FBXO21: variants seen among roughly 807,000 people sequenced by gnomAD.
The protein encoded by FBXO21 is F-box only protein 21.
Under a neutral mutation model 76.6 loss-of-function variants are expected in FBXO21, and 32 were observed. The observed-to-expected ratio is 0.42, with a 90% CI of 0.32 to 0.56. The LOEUF is 0.56. Among genes scored for constraint, FBXO21 ranks in the 20% least tolerant of loss-of-function variants. FBXO21 has a pLI of 0.16. For missense variants in FBXO21, 586 were observed against 797.3 expected (o/e 0.73, Z 3.19); for synonymous variants, 328 against 311.5 (o/e 1.05, Z -0.56).
chr12:117,177,207 A>C (rs1956184926), intron 4 of FBXO21, among the ~76,000 whole-genome samples: 1 of 152,244 alleles, frequency 6.6e-6, no homozygotes, highest in Non-Finnish European at 1.5e-5. Context: ...CTGATTTGGA[A>C]ATGATCATTA....
chr12:117,163,956 CA>C (rs1366694161), intron 9 of FBXO21, among the ~76,000 whole-genome samples: 1 of 151,022 alleles, frequency 6.6e-6, no homozygotes, highest in East Asian at 2.0e-4. Context: ...AAAAACAAAC[CA>C]AAAAAACCCC....
In FBXO21 at chr12:117,190,385, T is replaced by C. The variant is rs1024057061; in HGVS notation, c.72A>G (p.Val24=). 3 of 1,506,050 alleles carry C rather than the reference T, an allele frequency of 2.0e-6. No homozygotes were observed. Among genetic ancestry groups the C allele is most frequent in the Non-Finnish European group, 2.6e-6 (3 of 1,135,940 alleles). 93.3% of individuals were successfully genotyped at this position (1,506,050 alleles called of 1,614,324 possible). A position where few individuals can be genotyped will look rare whatever the true frequency, so the allele number is the denominator to read the frequency against. Residue 24 remains valine (V), a synonymous_variant, in exon 1 of 12, where the codon GTA becomes GTG. Coordinates refer to ENST00000622495, the MANE Select transcript of FBXO21 (RefSeq NM_015002.3). ...PALAEEAAPE[V]AGLSCLVNLP... is the part of the protein sequence containing the mutation. Reference sequence around the variant, plus strand: ...GGTTGACGAGGCAGCTGAGGCCCGCTACCTCCGGCGCGGCCTCCTCCGCCA... The same window carrying C: ...GGTTGACGAGGCAGCTGAGGCCCGCCACCTCCGGCGCGGCCTCCTCCGCCA...
At chr12:117,165,341 T>C in intron 9 of FBXO21, 144 bp downstream of exon 9, 1 of 839,356 alleles carries the variant, frequency 1.2e-6, no homozygotes, top group Non-Finnish European at 1.8e-6. Flanking sequence ...TAAAAAAAAA[T>C]CTACCAATGG....
intron 11 of FBXO21, among the ~76,000 whole-genome samples, chr12:117,147,931 G>A (rs1288405806): frequency 1.3e-5 from 2 of 152,210 alleles, no homozygotes; most frequent in Admixed American, 6.5e-5. Flanking sequence ...GAACGCAAAT[G>A]GGTCTATGAA....
chr12:117,148,277 A>G (rs1955801711), intron 11 of FBXO21, among the ~76,000 whole-genome samples: 1 of 152,256 alleles, frequency 6.6e-6, no homozygotes, highest in Admixed American at 6.5e-5. Context: ...AGTACCGCTG[A>G]GGAAGTCACA....
chr12:117,190,383 G>A lies in FBXO21; in HGVS notation c.74C>T (p.Ala25Val), dbSNP rs1256813784. 6.6e-7 allele frequency: 1 copy of A among 1,505,392 alleles called. No homozygotes were observed. 93.3% of individuals were successfully genotyped at this position (1,505,392 alleles called of 1,614,324 possible). The change falls in exon 1 of 12, where the codon GCG (alanine) becomes GTG (valine). Residue 25 changes from alanine (A) to valine (V), a missense_variant. Physicochemically the swap from Ala to Val is moderately conservative, Grantham distance 64 (BLOSUM62 0). Around this residue, in one of 6 missense-constraint regions of FBXO21, gnomAD observed 152 missense variants for 127.2 expected, o/e 1.19. Coordinates refer to ENST00000622495, the MANE Select transcript of FBXO21 (RefSeq NM_015002.3). ...ALAEEAAPEV[A>V]GLSCLVNLPG... ...CAGGTTGACGAGGCAGCTGAGGCCC[G>A]CTACCTCCGGCGCGGCCTCCTCCGC...
chr12:117,151,452 G>A (rs928724211), intron 11 of FBXO21, among the ~76,000 whole-genome samples: 1 of 152,164 alleles, frequency 6.6e-6, no homozygotes, highest in Non-Finnish European at 1.5e-5. Flanking sequence ...TCAACTCTCC[G>A]TGCAGAGCTA....
chr12:117,156,035 TCA>T, intron 10 of FBXO21, 87 bp from the exon 11 acceptor site: 1 of 1,246,524 alleles, frequency 8.0e-7, no homozygotes. Context: ...GCTCACATCC[TCA>T]GTTACCTGCT....
chr12:117,171,161 C>G (rs528441100), intron 7 of FBXO21, among the ~76,000 whole-genome samples: 42 of 151,950 alleles, frequency 2.8e-4, no homozygotes, highest in African/African-American at 1.0e-3. Context: ...CTCAGGCGTT[C>G]AAGACTAGCC....
chr12:117,178,318 C>T (rs947701564), intron 3 of FBXO21, among the ~76,000 whole-genome samples: 2 of 152,114 alleles, frequency 1.3e-5, no homozygotes, highest in African/African-American at 4.8e-5. Context: ...AATGTGCACA[C>T]TTCCCAATTA....
chr12:117,157,106 T>C (rs755202749), intron 10 of FBXO21, among the ~76,000 whole-genome samples: 1 of 150,314 alleles, frequency 6.7e-6, no homozygotes, highest in Admixed American at 6.7e-5. Context: ...TCGCTTGAAC[T>C]GGGAGGCAGA....
At chr12:117,150,729 G>GTGCT (rs1955827403) in intron 11 of FBXO21, among the ~76,000 whole-genome samples, 1 of 152,242 alleles carries the variant, frequency 6.6e-6, no homozygotes, top group East Asian at 1.9e-4. Flanking sequence ...AAGAGAATGT[G>GTGCT]TGCTTGAGAT....
chr12:117,170,579 T>C (rs907775899), intron 7 of FBXO21, among the ~76,000 whole-genome samples: 1 of 152,180 alleles, frequency 6.6e-6, no homozygotes, highest in African/African-American at 2.4e-5. Context: ...GAAAGGGCCA[T>C]AGCCCAGCAG....
chr12:117,162,111 T>A (rs547075818), intron 9 of FBXO21, among the ~76,000 whole-genome samples: 1 of 152,318 alleles, frequency 6.6e-6, no homozygotes, highest in South Asian at 2.1e-4. Flanking sequence ...GGGAAATTCC[T>A]GCAGGGCAGA....
At position 117,165,542 on chromosome 12, in the gene FBXO21, C is replaced by T; in HGVS notation, c.1269G>A (p.Val423=). The T allele has an allele frequency of 6.2e-7, 1 of 1,613,960 alleles. No homozygotes were observed. Among genetic ancestry groups the T allele is most frequent in the Non-Finnish European group, 8.5e-7 (1 of 1,179,882 alleles). The change falls in exon 9 of 12, where the codon GTG becomes GTA. Residue 423 remains valine, a synonymous_variant. Coordinates refer to ENST00000622495, the MANE Select transcript of FBXO21 (RefSeq NM_015002.3). ...GCCTGGCTTGGAGGAGGAGAAGCTG[C>T]ACCTGGTCCGGGTACATTGCCAGAT... ...DLYLAMYPDQ[V]QLLLLQARLY...
At chr12:117,162,458 T>C (rs77230099) in intron 9 of FBXO21, among the ~76,000 whole-genome samples, 1 of 152,178 alleles carries the variant, frequency 6.6e-6, no homozygotes, top group Non-Finnish European at 1.5e-5. Context: ...ATTTCCCATA[T>C]GGCAAAAAGA....
At chr12:117,167,465 A>G (rs1440363212) in intron 7 of FBXO21, among the ~76,000 whole-genome samples, 1 of 152,134 alleles carries the variant, frequency 6.6e-6, no homozygotes, top group African/African-American at 2.4e-5. Context: ...ACAGAACCTC[A>G]GCCGGGCGTG....
intron 8 of FBXO21, among the ~76,000 whole-genome samples, chr12:117,166,037 A>G (rs1390957646): frequency 6.6e-6 from 1 of 152,148 alleles, no homozygotes; most frequent in East Asian, 1.9e-4. Context: ...TAAAAATACA[A>G]AAATTAGCTG....
rs1207116889 is a variant in FBXO21 at position 117,186,682 on chromosome 12, A to G, written c.376-111T>C. The G allele has an allele frequency of 1.4e-5, 9 of 663,546 alleles. No homozygotes were observed. In the Admixed American group the frequency reaches 2.5e-4, roughly 18 times the overall value. 41.1% of individuals were successfully genotyped at this position (663,546 alleles called of 1,614,324 possible). ...GTCCACTACTAAAGACAGTGCTAACAGTTATTCTACACTACCTTGCACTAC... is the reference window on the plus strand; with the variant it reads ...GTCCACTACTAAAGACAGTGCTAACGGTTATTCTACACTACCTTGCACTAC... On this transcript the variant is annotated intron_variant, in intron 2 of 11. Transcript: ENST00000622495.
Sources: gnomAD v4.1 joint callset for allele counts (sites outside exome capture counted in the v4.1 genomes callset) on GRCh38, gnomAD v4.1.1 for gene constraint, gnomAD v4.1.1 regional missense constraint, MANE v1.5 for transcripts, NCBI Gene and HGNC (gene_info 2026-07-23, HGNC 2026-07-21) for gene names.